Variants in IL1RAPL2 observed in about 807,000 individuals in gnomAD.
IL1RAPL2 encodes the protein X-linked interleukin-1 receptor accessory protein-like 2.
A neutral mutation model predicts 44.1 loss-of-function variants in IL1RAPL2; 3 were observed. That is an observed-to-expected ratio of 0.07 (90% CI 0.03 to 0.18). The LOEUF (loss-of-function observed/expected upper bound fraction) is 0.18. IL1RAPL2 is among the 10% of genes least tolerant of loss of function. The pLI is 1.00. For synonymous variants in IL1RAPL2, 181 were observed against 178.8 expected (o/e 1.01, Z -0.10); for missense variants, 391 against 496.4 (o/e 0.79, Z 2.02).
At chrX:105,092,384 A>T (rs2032554637) in intron 2 of IL1RAPL2, among the ~76,000 whole-genome samples, 1 of 111,725 alleles carries the variant, frequency 9.0e-6, no homozygotes. Context: ...AGAAGCACAT[A>T]TACCAGAATC....
In IL1RAPL2 at chrX:104,797,185, GCCCCCCC is replaced by G. The variant is rs368534416; in HGVS notation, c.82+138200_82+138206del. On this transcript the variant is annotated intron_variant, in intron 2 of 10. Transcript: ENST00000372582. ...TACCTAAGTTGTAATGATCTCTTCAGCCCCCCCCCCCCCCCCGCAAAGTAATGTTTGC... is the reference window on the plus strand; with the variant it reads ...TACCTAAGTTGTAATGATCTCTTCAGCCCCCCCCCGCAAAGTAATGTTTGC... Among the ~76,000 whole-genome samples, 31 of 23,895 alleles carry G rather than the reference GCCCCCCC, an allele frequency of 1.3e-3. 7 individuals carry two copies. The highest frequency in any genetic ancestry group is 7.0e-3 in the African/African-American group (23 of 3,289). The allele number at this position is 23,895 out of a possible 115,157, so 20.7% of individuals were successfully genotyped here.
At chrX:104,851,507 A>T (rs967573491) in intron 2 of IL1RAPL2, among the ~76,000 whole-genome samples, 11 of 111,675 alleles carry the variant, frequency 9.9e-5, no homozygotes, top group Admixed American at 9.5e-4. Flanking sequence ...GAATAAAGTA[A>T]AAAAGGACTC....
At chrX:105,429,773 C>G (rs1437953142) in intron 5 of IL1RAPL2, among the ~76,000 whole-genome samples, 4 of 111,809 alleles carry the variant, frequency 3.6e-5, no homozygotes, top group Non-Finnish European at 7.5e-5. Flanking sequence ...TGACTGTATT[C>G]CAATCACATT....
At chrX:104,617,553 T>C (rs1929304118) in intron 1 of IL1RAPL2, among the ~76,000 whole-genome samples, 2 of 112,145 alleles carry the variant, frequency 1.8e-5, no homozygotes, top group East Asian at 2.8e-4. Context: ...AAGACTTTGT[T>C]CTTGTATTTA....
intron 6 of IL1RAPL2, among the ~76,000 whole-genome samples, chrX:105,630,674 T>A (rs934477893): frequency 9.1e-6 from 1 of 109,812 alleles, no homozygotes; most frequent in African/African-American, 3.3e-5. Flanking sequence ...GGAAAAAAAA[T>A]GAAAATGGTC....
At chrX:105,468,983 C>A (rs2036148779) in intron 5 of IL1RAPL2, among the ~76,000 whole-genome samples, 1 of 111,717 alleles carries the variant, frequency 9.0e-6, no homozygotes, top group Non-Finnish European at 1.9e-5. Flanking sequence ...AGGTCCAAAA[C>A]TCCAACTGCA....
At chrX:105,438,745 C>T (rs1274318835) in intron 5 of IL1RAPL2, among the ~76,000 whole-genome samples, 3 of 110,175 alleles carry the variant, frequency 2.7e-5, no homozygotes, top group Non-Finnish European at 3.8e-5. Context: ...TTAGTCTTCA[C>T]AACCTCAAGG....
At chrX:105,079,321 A>G (rs1489588145) in intron 2 of IL1RAPL2, among the ~76,000 whole-genome samples, 1 of 110,345 alleles carries the variant, frequency 9.1e-6, no homozygotes, top group Non-Finnish European at 1.9e-5. Flanking sequence ...ATTACTGGGA[A>G]TATACCCAAA....
chrX:105,385,613 G>C (rs2035470730), intron 5 of IL1RAPL2, among the ~76,000 whole-genome samples: 1 of 111,464 alleles, frequency 9.0e-6, no homozygotes, highest in Non-Finnish European at 1.9e-5. Context: ...AGGCATTTTA[G>C]AGAAAGGGGC....
chrX:105,753,945 T>C (rs2038616178), intron 9 of IL1RAPL2, among the ~76,000 whole-genome samples: 1 of 111,839 alleles, frequency 8.9e-6, no homozygotes, highest in African/African-American at 3.2e-5. Context: ...TAAAAGAGGG[T>C]ATCTACAGCA....
At chrX:105,109,676 G>C (rs1393227777) in intron 2 of IL1RAPL2, among the ~76,000 whole-genome samples, 1 of 111,987 alleles carries the variant, frequency 8.9e-6, no homozygotes, top group Non-Finnish European at 1.9e-5. Flanking sequence ...AAATTACATA[G>C]GGGTGATGGT....
rs1299752771 is a variant in IL1RAPL2 at position 105,208,070 on chromosome X, A to T, written c.356+12322A>T. 3.6e-5 allele frequency among the ~76,000 whole-genome samples: 4 copies of T among 111,916 alleles called. No homozygotes were observed. In the East Asian group the frequency reaches 1.1e-3, roughly 31 times the overall value. On this transcript the variant is annotated intron_variant, in intron 3 of 10. Coordinates refer to ENST00000372582, the MANE Select transcript of IL1RAPL2 (RefSeq NM_017416.2). ...GATAAAACAATGTCCCAGGGCAAGG[A>T]GGTAGTAAAACATGGGCCATGCACA...
intron 1 of IL1RAPL2, among the ~76,000 whole-genome samples, chrX:104,632,779 C>T (rs1416463015): frequency 1.8e-5 from 2 of 108,549 alleles, no homozygotes; most frequent in Non-Finnish European, 3.8e-5. Context: ...ACAATCATGT[C>T]ATCTGCAAAC....
chrX:105,276,544 C>A (rs763524666), intron 5 of IL1RAPL2, among the ~76,000 whole-genome samples: 1 of 112,592 alleles, frequency 8.9e-6, no homozygotes, highest in African/African-American at 3.2e-5. Flanking sequence ...CTGACTCAAC[C>A]CTAGCTGATT....
At chrX:104,671,890 G>A (rs565012197) in intron 2 of IL1RAPL2, among the ~76,000 whole-genome samples, 2 of 111,319 alleles carry the variant, frequency 1.8e-5, no homozygotes, top group Non-Finnish European at 3.8e-5. Flanking sequence ...TGACAAGGAG[G>A]ATTTATCAGT....
chrX:105,220,641 A>G (rs377464876), intron 3 of IL1RAPL2: 2 of 319,583 alleles, frequency 6.3e-6, no homozygotes, highest in East Asian at 8.8e-5. Context: ...CCGCTGTCTT[A>G]ACACGCCCGA....
intron 5 of IL1RAPL2, among the ~76,000 whole-genome samples, chrX:105,279,388 C>T (rs758840024): frequency 3.1e-4 from 35 of 111,743 alleles, no homozygotes; most frequent in African/African-American, 1.1e-3. Context: ...AAAGCCTGAG[C>T]CCCTCCCACT....
intron 2 of IL1RAPL2, among the ~76,000 whole-genome samples, chrX:104,734,536 C>A (rs896185555): frequency 8.9e-6 from 1 of 111,957 alleles, no homozygotes; most frequent in African/African-American, 3.2e-5. Context: ...ATGAAAGAAG[C>A]CAGTCTCAAA....
chrX:104,975,223 G>A (rs1283821935), intron 2 of IL1RAPL2, among the ~76,000 whole-genome samples: 2 of 110,875 alleles, frequency 1.8e-5, no homozygotes, highest in Non-Finnish European at 3.8e-5. Context: ...TTGCCCTTCT[G>A]GGGAGTTTGG....
Sources: gnomAD v4.1 joint callset for allele counts (sites outside exome capture counted in the v4.1 genomes callset) on GRCh38, gnomAD v4.1.1 for gene constraint, MANE v1.5 for transcripts, NCBI Gene and HGNC (gene_info 2026-07-23, HGNC 2026-07-21) for gene names.